MAST3: variants seen among roughly 807,000 people sequenced by gnomAD.
MAST3 encodes the protein microtubule associated serine/threonine kinase 3, also known as microtubule-associated serine/threonine-protein kinase 3.
In MAST3, 43 loss-of-function variants were observed where a neutral mutation model predicts 127.0. The observed-to-expected ratio is 0.34, with a 90% confidence interval of 0.27 to 0.44. The LOEUF is 0.44. Ranked by LOEUF, MAST3 falls within the 20% of genes least tolerant of loss-of-function variation. MAST3 has a pLI of 1.00. For missense variants in MAST3, 1,390 were observed against 1,919.1 expected (o/e 0.72, Z 5.15); for synonymous variants, 785 against 809.2 (o/e 0.97, Z 0.51).
intron 3 of MAST3, chr19:18,118,160 A>C: frequency 5.1e-6 from 5 of 985,254 alleles, no homozygotes; most frequent in Non-Finnish European, 6.0e-6. Flanking sequence ...CACAAAGGGA[A>C]GCAGCATGTC....
intron 1 of MAST3, among the ~76,000 whole-genome samples, chr19:18,102,565 TC>T (rs2037734026): frequency 1.4e-5 from 2 of 145,690 alleles, no homozygotes; most frequent in South Asian, 4.4e-4. Flanking sequence ...CACTGCAACC[TC>T]CGCCTCCGGG....
intron 3 of MAST3, chr19:18,118,268 C>T (rs1599720945): frequency 4.1e-6 from 4 of 985,192 alleles, no homozygotes; most frequent in Non-Finnish European, 4.8e-6. Context: ...GGGGGCACGG[C>T]GCCGGCGAAG....
At chr19:18,132,759 A>G (rs1303708134) in intron 15 of MAST3, among the ~76,000 whole-genome samples, 1 of 152,194 alleles carries the variant, frequency 6.6e-6, no homozygotes, top group East Asian at 1.9e-4. Flanking sequence ...CGAGGCAAGA[A>G]CTGACATTTC....
chr19:18,100,128 C>CTTT (rs58879254), intron 1 of MAST3, among the ~76,000 whole-genome samples: 9 of 121,710 alleles, frequency 7.4e-5, no homozygotes, highest in South Asian at 2.5e-4. Flanking sequence ...CTCTCTCTCT[C>CTTT]TTTTTTTTTT....
At chr19:18,113,986 C>G (rs2038945572) in intron 3 of MAST3, among the ~76,000 whole-genome samples, 1 of 152,176 alleles carries the variant, frequency 6.6e-6, no homozygotes. Flanking sequence ...GCAGGCTGGT[C>G]CAGCCTCAGG....
chr19:18,113,845 G>A lies in MAST3; in HGVS notation c.161+3104G>A, dbSNP rs564509622. ...ACTCCTGACCTCAGGTGATCCACCC[G>A]CCTTGGCCTCCCACGGTACTGGAAT... On this transcript the variant is annotated intron_variant, in intron 3 of 27. Coordinates refer to ENST00000687212, the MANE Select transcript of MAST3 (RefSeq NM_001393504.1). Among the ~76,000 whole-genome samples the A allele has an allele frequency of 3.3e-5, 5 of 152,246 alleles. No homozygotes were observed. The East Asian group carries it at 9.7e-4, about 29-fold the overall frequency.
chr19:18,132,146 T>C, intron 15 of MAST3, 99 bp downstream of exon 15: 2 of 1,499,018 alleles, frequency 1.3e-6, no homozygotes, highest in Non-Finnish European at 1.8e-6. Flanking sequence ...CTGAGGTGCA[T>C]CCCGGGACCC....
chr19:18,149,392 C>T lies in MAST3; in HGVS notation c.3710C>T (p.Pro1237Leu). Residue 1237 changes from proline (P) to leucine (L), a missense_variant, in exon 28 of 28, where the codon CCC becomes CTC. Around this residue, in one of 5 missense-constraint regions of MAST3, gnomAD observed 816 missense variants for 934.1 expected, o/e 0.87. Transcript: ENST00000687212. The surrounding 1 kb of genome is among the most constrained non-coding windows in gnomAD (Gnocchi z 5.9). Reference protein sequence around the residue: ...LACPPISAPPPRSPSPLPGHP... With the variant: ...LACPPISAPPLRSPSPLPGHP... ...TGCCCGCCCATCTCCGCGCCCCCAC[C>T]CCGCTCGCCCTCGCCCCTGCCCGGG... The T allele has an allele frequency of 2.0e-6, 3 of 1,468,940 alleles. No individual in the cohort carries two copies. Among genetic ancestry groups the T allele is most frequent in the Non-Finnish European group, 2.7e-6 (3 of 1,116,382 alleles). 91.0% of individuals were successfully genotyped at this position (1,468,940 alleles called of 1,614,324 possible). A position where few individuals can be genotyped will look rare whatever the true frequency, so the allele number is the denominator to read the frequency against.
intron 3 of MAST3, among the ~76,000 whole-genome samples, chr19:18,117,449 G>T (rs145505342): frequency 0.014 from 2,192 of 152,288 alleles, 16 homozygotes; most frequent in Middle Eastern, 0.037. Flanking sequence ...CAGACGCCCC[G>T]ACTCAATTTG....
intron 13 of MAST3, 65 bp downstream of exon 13, chr19:18,129,016 C>A: frequency 7.2e-7 from 1 of 1,384,740 alleles, no homozygotes; most frequent in Non-Finnish European, 1.0e-6. Context: ...GAGGCCCAGG[C>A]AGCTCCTGCA....
At chr19:18,148,037 C>T (rs908746925) in intron 27 of MAST3, among the ~76,000 whole-genome samples, 1 of 151,984 alleles carries the variant, frequency 6.6e-6, no homozygotes, top group African/African-American at 2.4e-5. Context: ...CATGGAGGCT[C>T]ACACCTGTAA....
At position 18,135,759 on chromosome 19, in the gene MAST3, G is replaced by A. The variant is rs2041833295; in HGVS notation, c.1890G>A (p.Glu630=). The A allele has an allele frequency of 6.2e-7, 1 of 1,612,030 alleles. No individual in the cohort carries two copies. The highest frequency in any genetic ancestry group is 1.3e-5 in the African/African-American group (1 of 74,898). Residue 630 remains glutamate, a synonymous_variant, in exon 18 of 28, where the codon GAG becomes GAA. Transcript: ENST00000687212. ...QVVSDEIMWP[E]GDEALPADAQ... ...TTTTAGATGAGATCATGTGGCCAGA[G>A]GGAGATGAGGCCCTTCCAGCAGACG...
intron 15 of MAST3, among the ~76,000 whole-genome samples, chr19:18,132,622 G>C (rs1054145355): frequency 2.0e-5 from 3 of 152,182 alleles, no homozygotes. Context: ...CAGACCCTCT[G>C]TGGGCAACTG....
intron 3 of MAST3, among the ~76,000 whole-genome samples, chr19:18,111,299 A>G (rs2038591867): frequency 6.6e-6 from 1 of 152,044 alleles, no homozygotes; most frequent in Non-Finnish European, 1.5e-5. Context: ...CCGGGGGCCA[A>G]GCATCAGGGA....
intron 27 of MAST3, 33 bp downstream of exon 27, chr19:18,147,657 T>C: frequency 6.9e-7 from 1 of 1,449,930 alleles, no homozygotes; most frequent in Admixed American, 2.3e-5. Context: ...CCACCCCGGC[T>C]ACCCTGGGAG....
chr19:18,135,273 T>C (rs1168597911), intron 17 of MAST3, among the ~76,000 whole-genome samples: 1 of 152,160 alleles, frequency 6.6e-6, no homozygotes, highest in African/African-American at 2.4e-5. Flanking sequence ...AAGACCAGCC[T>C]GGACAACATG....
chr19:18,124,937 C>CCT (rs1555798768), intron 11 of MAST3, among the ~76,000 whole-genome samples, 163 bp downstream of exon 11: 2,640 of 139,358 alleles, frequency 0.019, 91 homozygotes, highest in African/African-American at 0.065. Context: ...GGAAACCCCC[C>CCT]CCCTACTAAA....
chr19:18,124,040 C>T lies in MAST3; in HGVS notation c.735C>T (p.His245=), dbSNP rs201536465. 651 of 1,605,646 alleles carry T rather than the reference C, an allele frequency of 4.1e-4. 10 individuals carry two copies. The East Asian group carries it at 0.014, about 35-fold the overall frequency. The change falls in exon 9 of 28, where the codon CAC becomes CAT. Residue 245 remains histidine (H), a synonymous_variant. Coordinates refer to ENST00000687212, the MANE Select transcript of MAST3 (RefSeq NM_001393504.1). ...ATGGCGTCTTGGGCTTCATCCACCA[C>T]CAGATCGTCGAGCTGGCCCGAGACT... ...LADGVLGFIH[H]QIVELARDCL... is the part of the protein sequence containing the mutation.
intron 11 of MAST3, 37 bp from the exon 12 acceptor site, chr19:18,128,363 G>A: frequency 1.3e-6 from 2 of 1,509,458 alleles, no homozygotes; most frequent in Non-Finnish European, 1.8e-6. Context: ...GGGTGAGGCA[G>A]GGAGGCTCCA....
Sources: allele counts gnomAD v4.1 joint callset (sites outside exome capture counted in the v4.1 genomes callset), GRCh38; gene constraint gnomAD v4.1.1; regional missense constraint gnomAD v4.1.1; non-coding constraint Gnocchi (gnomAD v3.1); transcripts MANE v1.5; gene names NCBI Gene and HGNC (gene_info 2026-07-23, HGNC 2026-07-21).